The following PNPLA6 variants were observed in gnomAD, a reference collection of about 807,000 sequenced individuals.
PNPLA6 encodes patatin like domain 6, lysophospholipase.
A neutral mutation model predicts 153.7 loss-of-function variants in PNPLA6; 105 were observed. The observed-to-expected ratio is 0.68, with a 90% CI of 0.58 to 0.80. The LOEUF is 0.80. PNPLA6 is among the 30% of genes least tolerant of loss of function. The probability of loss-of-function intolerance (pLI) is 0.00; values close to 1 mark genes in which losing one functional copy is unlikely to be tolerated. For missense variants in PNPLA6, 1,423 were observed against 1,919.3 expected, an observed-to-expected ratio of 0.74 and a Z score of 4.83; for synonymous variants, 825 against 822.2, an observed-to-expected ratio of 1.00 and a Z score of -0.06.
chr19:7,548,637 C>T (rs1011424708), intron 13 of PNPLA6, among the ~76,000 whole-genome samples: 2 of 151,606 alleles, frequency 1.3e-5, no homozygotes, highest in Non-Finnish European at 2.9e-5. Flanking sequence ...AAATGGTCTG[C>T]GCAGGTGCAA....
At position 7,540,970 on chromosome 19, in the gene PNPLA6, C is replaced by T; in HGVS notation, c.843C>T (p.Asp281=). The T allele has an allele frequency of 1.2e-6, 2 of 1,611,390 alleles. No homozygotes were observed. Among genetic ancestry groups the T allele is most frequent in the Non-Finnish European group, 1.7e-6 (2 of 1,179,420 alleles). Residue 281 remains aspartate (D), a synonymous_variant, in exon 7 of 32, where the codon GAC becomes GAT. Coordinates refer to ENST00000600737, the MANE Select transcript of PNPLA6 (RefSeq NM_001166114.2). This position sits in a 1 kb window ranked among gnomAD's most constrained non-coding sequence, Gnocchi z 6.8. ...QRTVSARAAR[D]STVLRLPVEA... ...CCGTGTCTGCCCGGGCGGCCCGGGACTCCACGGTGCTGCGCCTGCCGGTGG... is the reference window on the plus strand; with the variant it reads ...CCGTGTCTGCCCGGGCGGCCCGGGATTCCACGGTGCTGCGCCTGCCGGTGG...
chr19:7,541,914 C>T lies in PNPLA6; in HGVS notation c.1169-70C>T. On this transcript the variant is annotated intron_variant, in intron 9 of 31. Coordinates refer to ENST00000600737, the MANE Select transcript of PNPLA6 (RefSeq NM_001166114.2). The surrounding 1 kb of genome is among the most constrained non-coding windows in gnomAD (Gnocchi z 5.2). ...CTAGTTAATCAGTCGCCAGCATCTC[C>T]TTATCTCCCAACCTGCTAATCCTCC... 1 of 1,385,482 alleles carries T rather than the reference C, an allele frequency of 7.2e-7. No individual in the cohort carries two copies. The highest frequency in any genetic ancestry group is 1.0e-6 in the Non-Finnish European group (1 of 981,622). The allele number at this position is 1,385,482 out of a possible 1,614,324, so 85.8% of individuals were successfully genotyped here.
chr19:7,557,477 CAT>C, intron 27 of PNPLA6, 193 bp downstream of exon 27: 2 of 650,142 alleles, frequency 3.1e-6, no homozygotes, highest in African/African-American at 1.8e-5. Flanking sequence ...TGGACAGCGA[CAT>C]GTGCAGTTGA....
At position 7,541,155 on chromosome 19, in the gene PNPLA6, A is replaced by C; in HGVS notation, c.924+104A>C. 8.1e-6 allele frequency: 11 copies of C among 1,359,444 alleles called. No homozygotes were observed. The highest frequency in any genetic ancestry group is 1.1e-5 in the Non-Finnish European group (11 of 979,334). The allele number at this position is 1,359,444 out of a possible 1,614,324, so 84.2% of individuals were successfully genotyped here. ...AGGCCCAGCAGCCAGCAGGCGCTGGAGCTGTGGTTATCGGCCTGGAGCAGC... is the reference window on the plus strand; with the variant it reads ...AGGCCCAGCAGCCAGCAGGCGCTGGCGCTGTGGTTATCGGCCTGGAGCAGC... On this transcript the variant is annotated intron_variant, in intron 7 of 31. Coordinates refer to ENST00000600737, the MANE Select transcript of PNPLA6 (RefSeq NM_001166114.2). The surrounding 1 kb of genome is among the most constrained non-coding windows in gnomAD (Gnocchi z 5.2).
rs933267698 is a variant in PNPLA6, at chr19:7,554,816, G to C, written c.2635-77G>C. On this transcript the variant is annotated intron_variant, in intron 21 of 31. Transcript: ENST00000600737. ...CAGGCCACGTGCACCCTCGCCATGG[G>C]GGTAGGCGATCAGGGACCCAGGTGT... The C allele has an allele frequency of 1.3e-5, 20 of 1,572,782 alleles. No individual in the cohort carries two copies. The African/African-American group carries it at 1.6e-4, about 13-fold the overall frequency.
At chr19:7,561,395 C>T (rs934646306) in intron 31 of PNPLA6, 78 bp downstream of exon 31, 7 of 1,422,642 alleles carry the variant, frequency 4.9e-6, no homozygotes, top group South Asian at 2.4e-5. Flanking sequence ...GAGCCGGGGG[C>T]GTATTTGAGA....
intron 13 of PNPLA6, chr19:7,549,555 C>T: frequency 2.8e-6 from 1 of 361,874 alleles, no homozygotes; most frequent in South Asian, 2.3e-5. Flanking sequence ...ATGGCATGAT[C>T]TCAGCTCACT....
In PNPLA6 at chr19:7,542,747, C is replaced by T. The variant is rs2023213315; in HGVS notation, c.1363-14C>T. Reference sequence around the variant, plus strand: ...GGAGGGAGCATCAGGAGGTCACAAGCCTGCCCCACTCAGACCCCCACTCAG... The same window carrying T: ...GGAGGGAGCATCAGGAGGTCACAAGTCTGCCCCACTCAGACCCCCACTCAG... On this transcript the variant is annotated splice_polypyrimidine_tract_variant and intron_variant, in intron 11 of 31. Transcript: ENST00000600737. 4.3e-6 allele frequency: 7 copies of T among 1,612,750 alleles called. No individual in the cohort carries two copies. The South Asian group carries it at 5.5e-5, about 13-fold the overall frequency.
chr19:7,549,936 C>T lies in PNPLA6; in HGVS notation c.1638C>T (p.Gly546=), dbSNP rs2146086468. The T allele has an allele frequency of 6.2e-7, 1 of 1,613,724 alleles. No individual in the cohort carries two copies. Among genetic ancestry groups the T allele is most frequent in the Non-Finnish European group, 8.5e-7 (1 of 1,180,042 alleles). ...QDVSLHFVLW[G]CLHVYQRMID... is the part of the protein sequence containing the mutation. ...TGAGCCTGCACTTCGTGCTCTGGGG[C>T]TGCCTGCACGTGTACCAGCGCATGA... Residue 546 remains glycine, a synonymous_variant, in exon 14 of 32, where the codon GGC becomes GGT. Transcript: ENST00000600737.
chr19:7,539,759 A>G, intron 3 of PNPLA6, among the ~76,000 whole-genome samples, 159 bp from the exon 4 acceptor site: 1 of 144,052 alleles, frequency 6.9e-6, no homozygotes, highest in African/African-American at 2.6e-5. Flanking sequence ...CTTCGTCTCA[A>G]AAAAAAAAAA....
rs769226316 is a variant in PNPLA6, at chr19:7,536,480, C to A, written c.347C>A (p.Thr116Asn). The A allele has an allele frequency of 1.2e-5, 19 of 1,613,840 alleles. No individual in the cohort carries two copies. The highest frequency in any genetic ancestry group is 1.4e-5 in the Non-Finnish European group (17 of 1,179,706). The change falls in exon 3 of 32, where the codon ACC (threonine) becomes AAC (asparagine). Residue 116 changes from threonine (T) to asparagine (N), a missense_variant. Around this residue, in one of 10 missense-constraint regions of PNPLA6, gnomAD observed 74 missense variants for 171.3 expected, o/e 0.43. Transcript: ENST00000600737. ...VSQSTSSLVD[T>N]SVSATSRPRM... ...CAATCCACCTCCTCCCTCGTGGATA[C>A]CTCTGTCTCCGCCACCTCCCGGCCA...
rs752972 is a variant in PNPLA6 at position 7,560,480 on chromosome 19, G to A, written c.3700-168G>A. The stretch of plus-strand genomic sequence containing the variant: ...GTAATGTCTGTCAAGGGCAGGACAG[G>A]GGATGTGTAGGCGAGTGTGCTATGT... On this transcript the variant is annotated intron_variant, in intron 28 of 31. Transcript: ENST00000600737. The A allele has an allele frequency of 0.17, 117,556 of 684,916 alleles. 10,522 individuals are homozygous for A. The highest frequency in any genetic ancestry group is 0.23 in the East Asian group (8,543 of 36,644). 42.4% of individuals were successfully genotyped at this position (684,916 alleles called of 1,614,324 possible).
rs552442013 is a variant in PNPLA6 at position 7,542,987 on chromosome 19, C to G, written c.1531-20C>G. On this transcript the variant is annotated intron_variant, in intron 12 of 31. Coordinates refer to ENST00000600737, the MANE Select transcript of PNPLA6 (RefSeq NM_001166114.2). ...AAGGGAGGCCTGGCTGCGCCCATCT[C>G]AACCCCCCTACCTCCCCAGGACCCC... 1.9e-6 allele frequency: 3 copies of G among 1,613,874 alleles called. 1 individual carries two copies. The Admixed American group carries it at 5.0e-5, about 27-fold the overall frequency.
intron 27 of PNPLA6, among the ~76,000 whole-genome samples, chr19:7,558,141 G>A (rs1269353055): frequency 2.6e-5 from 4 of 152,226 alleles, no homozygotes; most frequent in Non-Finnish European, 5.9e-5. Context: ...CTCTGACCGA[G>A]TTAAGTCATG....
At chr19:7,548,783 C>T (rs1322772557) in intron 13 of PNPLA6, among the ~76,000 whole-genome samples, 1 of 145,442 alleles carries the variant, frequency 6.9e-6, no homozygotes, top group African/African-American at 2.5e-5. Context: ...TATATATAAT[C>T]TATGTAAAAA....
rs754305235 is a variant in PNPLA6, at chr19:7,550,527, C to G, written c.1957C>G (p.Arg653Gly). Reference protein sequence around the residue: ...AGRALYRQGDRSDCTYIVLNG... With the variant: ...AGRALYRQGDGSDCTYIVLNG... ...TCCACGCCCACTCAGGCAGGGCGAC[C>G]GCTCCGACTGCACTTACATCGTGCT... Residue 653 changes from arginine (R) to glycine (G), a missense_variant, in exon 16 of 32, where the codon CGC (arginine) becomes GGC (glycine). By Grantham distance (125) the Arg-to-Gly change is moderately radical. This residue lies in a region of PNPLA6 where 63 missense variants were observed against 166.2 expected (regional missense o/e 0.38). Coordinates refer to ENST00000600737, the MANE Select transcript of PNPLA6 (RefSeq NM_001166114.2). The G allele has an allele frequency of 6.8e-6, 11 of 1,613,108 alleles. No homozygotes were observed. The highest frequency in any genetic ancestry group is 2.2e-5 in the South Asian group (2 of 91,076).
chr19:7,552,484 G>A (rs1320327056), intron 18 of PNPLA6, among the ~76,000 whole-genome samples: 1 of 152,156 alleles, frequency 6.6e-6, no homozygotes, highest in Non-Finnish European at 1.5e-5. Context: ...GGCCTGGGGC[G>A]GTGGGTCACG....
rs200897068 is a variant in PNPLA6 at position 7,541,625 on chromosome 19, C to T, written c.1109C>T (p.Pro370Leu). ...RMVSTSATDE[P>L]RETPGRPPDP... is the part of the protein sequence containing the mutation. ...GTCAGCACCTCAGCTACAGACGAGC[C>T]CAGGGAGACCCCAGGGCGGCCACCC... is the stretch of plus-strand genomic sequence containing the variant. The change falls in exon 9 of 32, where the codon CCC (proline) becomes CTC (leucine). Residue 370 changes from proline (P) to leucine (L), a missense_variant. By Grantham distance (98) the Pro-to-Leu change is moderately conservative. Coordinates refer to ENST00000600737, the MANE Select transcript of PNPLA6 (RefSeq NM_001166114.2). The surrounding 1 kb of genome is among the most constrained non-coding windows in gnomAD (Gnocchi z 5.2). 2.9e-4 allele frequency: 461 copies of T among 1,589,396 alleles called. 4 individuals are homozygous for T. The African/African-American group carries it at 5.4e-3, about 19-fold the overall frequency.
rs2023202352 is a variant in PNPLA6, at chr19:7,542,586, C to T, written c.1278C>T (p.Asp426=). The T allele has an allele frequency of 6.2e-7, 1 of 1,613,772 alleles. No homozygotes were observed. The highest frequency in any genetic ancestry group is 1.7e-5 in the Admixed American group (1 of 60,030). The stretch of plus-strand genomic sequence containing the variant: ...GCTTGCAGGGTGGCCCCCGCTCCGA[C>T]TTCGACATGGCCTATGAGCGTGGCC... ...ISGLQGGPRS[D]FDMAYERGRI... The change falls in exon 11 of 32, where the codon GAC becomes GAT. Residue 426 remains aspartate (D), a synonymous_variant. Transcript: ENST00000600737.
Sources: allele counts gnomAD v4.1 joint callset (sites outside exome capture counted in the v4.1 genomes callset), GRCh38; gene constraint gnomAD v4.1.1; regional missense constraint gnomAD v4.1.1; non-coding constraint Gnocchi (gnomAD v3.1); transcripts MANE v1.5; gene names NCBI Gene and HGNC (gene_info 2026-07-23, HGNC 2026-07-21).